OTUD7A: variants seen among roughly 807,000 people sequenced by gnomAD.
The protein encoded by OTUD7A is OTU domain-containing protein 7A.
In OTUD7A, 12 loss-of-function variants were observed where a neutral mutation model predicts 65.7. The observed-to-expected ratio is 0.18, with a 90% confidence interval of 0.12 to 0.30. The LOEUF (loss-of-function observed/expected upper bound fraction) is 0.30, where lower values mean the gene tolerates loss of function less well. Among genes scored for constraint, OTUD7A ranks in the 10% least tolerant of loss-of-function variants. The pLI, the probability that OTUD7A is intolerant of heterozygous loss-of-function variation, is 1.00. For missense variants in OTUD7A, 1,148 were observed against 1,304.8 expected, an observed-to-expected ratio of 0.88 and a Z score of 1.85; for synonymous variants, 641 against 586.3, an observed-to-expected ratio of 1.09 and a Z score of -1.35.
At chr15:31,598,133 T>G (rs1889961935) in intron 3 of OTUD7A, among the ~76,000 whole-genome samples, 1 of 152,172 alleles carries the variant, frequency 6.6e-6, no homozygotes, top group Non-Finnish European at 1.5e-5. Context: ...CCGCTCGCAG[T>G]CAGCCAGCGA....
At chr15:31,575,521 C>A (rs1889178604) in intron 3 of OTUD7A, among the ~76,000 whole-genome samples, 1 of 152,184 alleles carries the variant, frequency 6.6e-6, no homozygotes, top group South Asian at 2.1e-4. Flanking sequence ...AAACAGCCTC[C>A]AAATCCTAGA....
intron 1 of OTUD7A, among the ~76,000 whole-genome samples, chr15:31,816,610 C>T (rs1188943189): frequency 1.3e-5 from 2 of 151,710 alleles, no homozygotes; most frequent in South Asian, 2.1e-4. Context: ...AGGAGAATGG[C>T]GTGAACCTGG....
In OTUD7A at chr15:31,487,357, C is replaced by G. The variant is rs368272466; in HGVS notation, c.1287-79G>C. 88 of 1,583,304 alleles carry G rather than the reference C, an allele frequency of 5.6e-5. No individual in the cohort carries two copies. The East Asian group carries it at 1.9e-3, about 34-fold the overall frequency. On this transcript the variant is annotated intron_variant, in intron 11 of 12. Transcript: ENST00000307050. The surrounding 1 kb of genome is among the most constrained non-coding windows in gnomAD (Gnocchi z 6.0). Reference sequence around the variant, plus strand: ...CCAGTCCACTTGCATGCCAGCTGTCCCAGGAGGAGCAGGGGTGGTACATTC... The same window carrying G: ...CCAGTCCACTTGCATGCCAGCTGTCGCAGGAGGAGCAGGGGTGGTACATTC...
Position 31,724,992 on chromosome 15 carries a change from T to C in OTUD7A, c.-99-67915A>G, listed in dbSNP as rs899514043. Among the ~76,000 whole-genome samples the C allele has an allele frequency of 5.3e-5, 8 of 152,128 alleles. 1 individual carries two copies. The highest frequency in any genetic ancestry group is 5.2e-4 in the Admixed American group (8 of 15,278). On this transcript the variant is annotated intron_variant, in intron 1 of 12. Transcript: ENST00000307050. ...CTGCAGCTGATAGGGACCCACCAGATTCCAAGCCTCTGGGCTGTGAGTGAT... is the reference window on the plus strand; with the variant it reads ...CTGCAGCTGATAGGGACCCACCAGACTCCAAGCCTCTGGGCTGTGAGTGAT...
At chr15:31,533,020 A>G (rs1343879069) in intron 5 of OTUD7A, among the ~76,000 whole-genome samples, 1 of 151,826 alleles carries the variant, frequency 6.6e-6, no homozygotes, top group Non-Finnish European at 1.5e-5. Flanking sequence ...ACAAACAAAC[A>G]TACAGATTCA....
chr15:31,817,082 C>T (rs151010717), intron 1 of OTUD7A, among the ~76,000 whole-genome samples: 13 of 152,208 alleles, frequency 8.5e-5, no homozygotes, highest in African/African-American at 2.6e-4. Flanking sequence ...CTCTTGGGCA[C>T]GCCATCATGC....
intron 3 of OTUD7A, among the ~76,000 whole-genome samples, chr15:31,636,243 A>C (rs187325242): frequency 1.3e-4 from 20 of 152,340 alleles, no homozygotes; most frequent in Admixed American, 3.3e-4. Context: ...CTCACTGTGC[A>C]TCTCTGTGTC....
chr15:31,559,786 C>T (rs772419977), intron 4 of OTUD7A, among the ~76,000 whole-genome samples: 1 of 152,202 alleles, frequency 6.6e-6, no homozygotes, highest in Non-Finnish European at 1.5e-5. Flanking sequence ...AGCGCACATA[C>T]ATGTACATAC....
intron 1 of OTUD7A, among the ~76,000 whole-genome samples, chr15:31,763,586 A>T (rs951604818): frequency 2.6e-5 from 4 of 152,164 alleles, no homozygotes; most frequent in African/African-American, 9.7e-5. Flanking sequence ...CAAAGTCCCA[A>T]GAAAGGAGTA....
intron 1 of OTUD7A, chr15:31,766,048 G>C (rs1895086362): frequency 1.3e-6 from 2 of 1,551,150 alleles, no homozygotes; most frequent in Admixed American, 3.4e-5. Context: ...GGAGCAAATA[G>C]TCCATCTCCA....
At chr15:31,633,237 G>C (rs1468074409) in intron 3 of OTUD7A, among the ~76,000 whole-genome samples, 2 of 152,126 alleles carry the variant, frequency 1.3e-5, no homozygotes, top group Non-Finnish European at 2.9e-5. Context: ...CTGTAGACCA[G>C]AGCTGTTCGT....
At chr15:31,651,741 C>T (rs1891843783) in intron 3 of OTUD7A, among the ~76,000 whole-genome samples, 1 of 152,148 alleles carries the variant, frequency 6.6e-6, no homozygotes. Flanking sequence ...ATAAAAAATA[C>T]CATGTACAAT....
Position 31,483,363 on chromosome 15 carries a change from C to A in OTUD7A, c.2733G>T (p.Glu911Asp). ...CGCGGTAGCAGTAGGAGCAGTAGTG[C>A]TCGGTCTCGGCGCGCCCGTAGAACG... ...NCAFYGRAET[E>D]HYCSYCYREE... Residue 911 changes from glutamate (E) to aspartate (D), a missense_variant, in exon 13 of 13, where the codon GAG (glutamate) becomes GAT (aspartate). By Grantham distance (45) the Glu-to-Asp change is conservative. Transcript: ENST00000307050. The A allele has an allele frequency of 1.5e-6, 2 of 1,291,948 alleles. No homozygotes were observed. The highest frequency in any genetic ancestry group is 2.0e-6 in the Non-Finnish European group (2 of 1,016,712). 80.0% of individuals were successfully genotyped at this position (1,291,948 alleles called of 1,614,324 possible).
At chr15:31,811,469 CTGTAGATGTG>C (rs2140961326) in intron 1 of OTUD7A, among the ~76,000 whole-genome samples, 1 of 151,672 alleles carries the variant, frequency 6.6e-6, no homozygotes, top group African/African-American at 2.4e-5. Context: ...GGTGTAGTGT[CTGTAGATGTG>C]TGTAGCGTGA....
chr15:31,775,512 G>C (rs925069321), intron 1 of OTUD7A, among the ~76,000 whole-genome samples: 2 of 152,254 alleles, frequency 1.3e-5, no homozygotes, highest in Non-Finnish European at 2.9e-5. Flanking sequence ...GGTGTCTGAA[G>C]AGTGGGTTGT....
chr15:31,554,542 C>T, intron 5 of OTUD7A, among the ~76,000 whole-genome samples: 1 of 152,208 alleles, frequency 6.6e-6, no homozygotes, highest in Non-Finnish European at 1.5e-5. Flanking sequence ...CTGGCAGATT[C>T]CCCTCAATCC....
intron 8 of OTUD7A, among the ~76,000 whole-genome samples, chr15:31,509,422 G>A (rs2041641498): frequency 6.6e-6 from 1 of 152,042 alleles, no homozygotes; most frequent in Non-Finnish European, 1.5e-5. Context: ...GGGACTACAG[G>A]TGCCTGCCTC....
chr15:31,518,026 A>G lies in OTUD7A; in HGVS notation c.893+8323T>C, dbSNP rs142772088. ...CCCCTCCTCCAGATGGGGTGTCCAC[A>G]CCTCCTGTTTTGCTTGGGAAAGTCC... On this transcript the variant is annotated intron_variant, in intron 8 of 12. Coordinates refer to ENST00000307050, the MANE Select transcript of OTUD7A (RefSeq NM_001382637.1). 6.2e-3 allele frequency among the ~76,000 whole-genome samples: 939 copies of G among 151,736 alleles called. 6 individuals carry two copies. The highest frequency in any genetic ancestry group is 0.022 in the African/African-American group (893 of 41,354).
At position 31,482,926 on chromosome 15, in the gene OTUD7A, A is replaced by AAG. The variant is rs941772187; in HGVS notation, c.*367_*368insCT. 10 of 151,838 alleles carry AAG rather than the reference A, an allele frequency of 6.6e-5. No individual in the cohort carries two copies. Among genetic ancestry groups the AAG allele is most frequent in the African/African-American group, 2.4e-4 (10 of 41,434 alleles). The allele number at this position is 151,838 out of a possible 1,614,324, so 9.4% of individuals were successfully genotyped here. A position where few individuals can be genotyped will look rare whatever the true frequency, so the allele number is the denominator to read the frequency against. On this transcript the variant is annotated 3_prime_UTR_variant, in exon 13 of 13. Transcript: ENST00000307050. ...AGAGGTCATCGCTAGGGTAGGAGAA[A>AAG]AAAAAAAAAGCAAAAAAAGCATGTA...
Sources: allele counts gnomAD v4.1 joint callset (sites outside exome capture counted in the v4.1 genomes callset), GRCh38; gene constraint gnomAD v4.1.1; non-coding constraint Gnocchi (gnomAD v3.1); transcripts MANE v1.5; gene names NCBI Gene and HGNC (gene_info 2026-07-23, HGNC 2026-07-21).